Variants in RGS9 observed in about 807,000 individuals in gnomAD.
RGS9 encodes the protein regulator of G protein signaling 9, also known as regulator of G-protein signalling 9.
Under a neutral mutation model 102.0 loss-of-function variants are expected in RGS9, and 78 were observed. The ratio of observed to expected loss-of-function variants is 0.76; its 90% confidence interval spans 0.64 to 0.92. RGS9 has a LOEUF of 0.92. RGS9 is among the 40% of genes least tolerant of loss of function. The probability of loss-of-function intolerance (pLI) is 0.00; values close to 1 mark genes in which losing one functional copy is unlikely to be tolerated. For missense variants in RGS9, 833 were observed against 866.1 expected (o/e 0.96, Z 0.48); for synonymous variants, 353 against 318.6 (o/e 1.11, Z -1.15).
intron 15 of RGS9, 133 bp downstream of exon 15, chr17:65,204,434 A>C (rs560792406): frequency 9.4e-7 from 1 of 1,060,272 alleles, no homozygotes; most frequent in Non-Finnish European, 1.4e-6. Context: ...CATGCAGCTA[A>C]GCATGGGGGC....
intron 3 of RGS9, among the ~76,000 whole-genome samples, chr17:65,159,760 C>A (rs151043607): frequency 6.6e-6 from 1 of 152,130 alleles, no homozygotes; most frequent in Non-Finnish European, 1.5e-5. Flanking sequence ...GGTCTGGACC[C>A]GAGATGCAGG....
intron 13 of RGS9, among the ~76,000 whole-genome samples, chr17:65,199,488 C>CTTTTTTTTT (rs3034101): frequency 9.2e-5 from 10 of 108,326 alleles, no homozygotes; most frequent in South Asian, 3.0e-4. Flanking sequence ...GCTTCTGTTC[C>CTTTTTTTTT]TTTTTTTTTT....
chr17:65,171,963 C>A (rs759160254), intron 8 of RGS9, among the ~76,000 whole-genome samples: 18 of 152,192 alleles, frequency 1.2e-4, no homozygotes, highest in Non-Finnish European at 2.4e-4. Flanking sequence ...TGCTTCCTGG[C>A]GGTGGGTGTG....
At chr17:65,137,707 G>C in intron 1 of RGS9, 110 bp downstream of exon 1, 1 of 931,498 alleles carries the variant, frequency 1.1e-6, no homozygotes, top group Non-Finnish European at 1.7e-6. Flanking sequence ...GGGTCGATTT[G>C]TGCTGCTCGA....
At position 65,225,479 on chromosome 17, in the gene RGS9, G is replaced by A; in HGVS notation, c.1885G>A (p.Val629Ile). The change falls in exon 18 of 19, where the codon GTA (valine) becomes ATA (isoleucine). Residue 629 changes from valine (V) to isoleucine (I), a missense_variant. Coordinates refer to ENST00000262406, the MANE Select transcript of RGS9 (RefSeq NM_003835.4). ...GCTGCCACGATTGAAATCCAAGAGA[G>A]TAGCAAAGTAAGAACCCGAAGGGGA... is the stretch of plus-strand genomic sequence containing the variant. The part of the protein sequence containing the change: ...QQLPRLKSKR[V>I]ANFFQIKMDV... 1.2e-6 allele frequency: 2 copies of A among 1,602,294 alleles called. No homozygotes were observed. The highest frequency in any genetic ancestry group is 1.7e-6 in the Non-Finnish European group (2 of 1,179,976).
chr17:65,209,210 G>T (rs904613058), intron 16 of RGS9, among the ~76,000 whole-genome samples: 1 of 152,108 alleles, frequency 6.6e-6, no homozygotes, highest in African/African-American at 2.4e-5. Flanking sequence ...GACTACAGTG[G>T]GTGTGAATTT....
chr17:65,203,207 C>T (rs1288451846), intron 14 of RGS9, among the ~76,000 whole-genome samples: 3 of 152,170 alleles, frequency 2.0e-5, no homozygotes, highest in Non-Finnish European at 2.9e-5. Flanking sequence ...CTTAGAGGTT[C>T]ATACACTCTA....
rs369750408 is a variant in RGS9, at chr17:65,160,252, C to T, written c.225C>T (p.Asn75=). Residue 75 remains asparagine, a synonymous_variant, in exon 4 of 19, where the codon AAC becomes AAT. Coordinates refer to ENST00000262406, the MANE Select transcript of RGS9 (RefSeq NM_003835.4). ...TCCCAGAGGCACAGAACTTGGGCAA[C>T]TTTATTGTCAGGTATGGCTACATTT... ...ISSLEAQNLG[N]FIVRYGYIYP... 8 of 1,614,130 alleles carry T rather than the reference C, an allele frequency of 5.0e-6. No individual in the cohort carries two copies. The highest frequency in any genetic ancestry group is 1.3e-5 in the African/African-American group (1 of 75,052).
chr17:65,168,545 CTTTTTTT>C (rs5821624), intron 8 of RGS9, among the ~76,000 whole-genome samples: 38 of 85,272 alleles, frequency 4.5e-4, no homozygotes, highest in Middle Eastern at 7.7e-3. Context: ...AGGGCTGGGA[CTTTTTTT>C]TTTTTTTTTT....
chr17:65,213,052 T>C (rs1319779116), intron 17 of RGS9, among the ~76,000 whole-genome samples: 1 of 152,204 alleles, frequency 6.6e-6, no homozygotes, highest in South Asian at 2.1e-4. Flanking sequence ...GCACTAGTCA[T>C]GTAGCCTTGG....
intron 17 of RGS9, among the ~76,000 whole-genome samples, chr17:65,213,917 C>A (rs1323245238): frequency 6.6e-6 from 1 of 152,110 alleles, no homozygotes; most frequent in African/African-American, 2.4e-5. Flanking sequence ...GGCTTCATGG[C>A]TAAATGGCAG....
At chr17:65,178,494 A>ATTTATTTATTTT (rs1911732988) in intron 9 of RGS9, among the ~76,000 whole-genome samples, 1 of 150,168 alleles carries the variant, frequency 6.7e-6, no homozygotes, top group African/African-American at 2.5e-5. Context: ...TTATTTATTT[A>ATTTATTTATTTT]TTTATTTATT....
rs1266228590 is a variant in RGS9 at position 65,227,434 on chromosome 17, T to C, written c.*27T>C. The stretch of plus-strand genomic sequence containing the variant: ...GAAAGAGGCAGGCTGAGCTGGGGGC[T>C]CTGGACCAGGAAGATGCTCTGACAG... On this transcript the variant is annotated 3_prime_UTR_variant, in exon 19 of 19. Coordinates refer to ENST00000262406, the MANE Select transcript of RGS9 (RefSeq NM_003835.4). 2.5e-6 allele frequency: 4 copies of C among 1,602,612 alleles called. No homozygotes were observed. The highest frequency in any genetic ancestry group is 3.4e-6 in the Non-Finnish European group (4 of 1,174,186).
chr17:65,161,009 A>G (rs1910963630), intron 6 of RGS9, 100 bp downstream of exon 6: 4 of 959,346 alleles, frequency 4.2e-6, no homozygotes, highest in Non-Finnish European at 3.4e-6. Flanking sequence ...ATATGCGCCC[A>G]CATTCATATG....
At position 65,202,442 on chromosome 17, in the gene RGS9, T is replaced by TGAGA. The variant is rs1469082540; in HGVS notation, c.1064+363_1064+364insAGAG. Among the ~76,000 whole-genome samples, 840 of 123,190 alleles carry TGAGA rather than the reference T, an allele frequency of 6.8e-3. 12 individuals carry two copies. Among genetic ancestry groups the TGAGA allele is most frequent in the African/African-American group, 0.029 (794 of 27,630 alleles). The allele number at this position is 123,190 out of a possible 152,430, so 80.8% of individuals were successfully genotyped here. ...GTGTGTGTGTGTGTGTGTGTGTGTG[T>TGAGA]GTGAGAGAGAGAGAGAGAGAGAGAG... On this transcript the variant is annotated intron_variant, in intron 14 of 18. Transcript: ENST00000262406.
chr17:65,225,342 G>A lies in RGS9; in HGVS notation c.1748G>A (p.Ser583Asn). 6.2e-7 allele frequency: 1 copy of A among 1,611,512 alleles called. No homozygotes were observed. The highest frequency in any genetic ancestry group is 8.5e-7 in the Non-Finnish European group (1 of 1,180,016). The change falls in exon 18 of 19, where the codon AGC (serine) becomes AAC (asparagine). Residue 583 changes from serine (S) to asparagine (N), a missense_variant. Physicochemically the swap from Ser to Asn is conservative, Grantham distance 46. This residue lies in a region of RGS9 where 320 missense variants were observed against 276.8 expected (regional missense o/e 1.16). Transcript: ENST00000262406. Reference protein sequence around the residue: ...PPKARMALSFSRFLRRGCLAS... With the variant: ...PPKARMALSFNRFLRRGCLAS... ...AAGGCCCGCATGGCTCTGTCCTTCAGCAGGTTTCTGAGACGAGGCTGTCTG... is the reference window on the plus strand; with the variant it reads ...AAGGCCCGCATGGCTCTGTCCTTCAACAGGTTTCTGAGACGAGGCTGTCTG...
At position 65,227,456 on chromosome 17, in the gene RGS9, A is replaced by G. The variant is rs767713773; in HGVS notation, c.*49A>G. 3 of 1,584,072 alleles carry G rather than the reference A, an allele frequency of 1.9e-6. No homozygotes were observed. Among genetic ancestry groups the G allele is most frequent in the Non-Finnish European group, 2.6e-6 (3 of 1,164,592 alleles). ...GGCTCTGGACCAGGAAGATGCTCTG[A>G]CAGATGCCATGGTATGGGCCACAGG... On this transcript the variant is annotated 3_prime_UTR_variant, in exon 19 of 19. Coordinates refer to ENST00000262406, the MANE Select transcript of RGS9 (RefSeq NM_003835.4).
At chr17:65,202,931 G>A (rs928192863) in intron 14 of RGS9, among the ~76,000 whole-genome samples, 2 of 152,106 alleles carry the variant, frequency 1.3e-5, no homozygotes, top group African/African-American at 4.8e-5. Context: ...GATACTGAGG[G>A]CCCAGCATTG....
chr17:65,190,727 G>T (rs1312244237), intron 11 of RGS9, among the ~76,000 whole-genome samples: 1 of 152,126 alleles, frequency 6.6e-6, no homozygotes, highest in Non-Finnish European at 1.5e-5. Flanking sequence ...CCTTGACCCA[G>T]CCCCCCATAG....
Sources: allele counts gnomAD v4.1 joint callset (sites outside exome capture counted in the v4.1 genomes callset), GRCh38; gene constraint gnomAD v4.1.1; regional missense constraint gnomAD v4.1.1; transcripts MANE v1.5; gene names NCBI Gene and HGNC (gene_info 2026-07-23, HGNC 2026-07-21).